The following GAS7 variants were observed in gnomAD, a reference collection of about 807,000 sequenced individuals.
GAS7 encodes growth arrest specific 7.
Under a neutral mutation model 71.1 loss-of-function variants are expected in GAS7, and 28 were observed. The ratio of observed to expected loss-of-function variants is 0.39; its 90% CI spans 0.29 to 0.54. The LOEUF (loss-of-function observed/expected upper bound fraction) is 0.54. GAS7 is among the 20% of genes least tolerant of loss of function. The pLI is 0.62. For missense variants in GAS7, 436 were observed against 627.8 expected, an observed-to-expected ratio of 0.69 and a Z score of 3.27; for synonymous variants, 258 against 245.8, an observed-to-expected ratio of 1.05 and a Z score of -0.46.
chr17:10,005,210 TGTGCGC>T (rs1567880430), intron 2 of GAS7, among the ~76,000 whole-genome samples: 181 of 146,686 alleles, frequency 1.2e-3, no homozygotes, highest in African/African-American at 4.6e-3. Context: ...TGTGTGTGCA[TGTGCGC>T]GTGTGCATGT....
intron 3 of GAS7, among the ~76,000 whole-genome samples, chr17:9,979,952 G>A (rs902896244): frequency 1.8e-4 from 28 of 151,888 alleles, no homozygotes; most frequent in African/African-American, 4.8e-4. Flanking sequence ...CAGTACGAAC[G>A]GGCCCATTTC....
intron 9 of GAS7, among the ~76,000 whole-genome samples, chr17:9,933,963 G>T (rs567717879): frequency 1.4e-4 from 21 of 152,304 alleles, no homozygotes; most frequent in African/African-American, 4.6e-4. Context: ...TTGTGCTACT[G>T]TGTCTATACA....
intron 1 of GAS7, among the ~76,000 whole-genome samples, chr17:10,098,345 C>T (rs553067599): frequency 1.3e-5 from 2 of 152,364 alleles, no homozygotes; most frequent in Non-Finnish European, 2.9e-5. Context: ...CCACTCACCC[C>T]ATGCAGCCAG....
chr17:10,193,801 T>G (rs1403254615), intron 1 of GAS7, among the ~76,000 whole-genome samples: 2 of 152,146 alleles, frequency 1.3e-5, no homozygotes, highest in Non-Finnish European at 2.9e-5. Context: ...ACCATCTGAT[T>G]GCAACTGCAT....
At chr17:10,077,393 T>C (rs1216098385) in intron 1 of GAS7, among the ~76,000 whole-genome samples, 1 of 152,036 alleles carries the variant, frequency 6.6e-6, no homozygotes, top group Non-Finnish European at 1.5e-5. Flanking sequence ...TTTTGGACAA[T>C]GGAAAACAAA....
At chr17:9,994,553 C>T (rs1398803021) in intron 2 of GAS7, among the ~76,000 whole-genome samples, 4 of 147,606 alleles carry the variant, frequency 2.7e-5, no homozygotes, top group Non-Finnish European at 6.0e-5. Flanking sequence ...AAGACTTAAA[C>T]GTTAGACCTA....
At chr17:10,014,851 T>C (rs954152993) in intron 2 of GAS7, among the ~76,000 whole-genome samples, 1 of 152,116 alleles carries the variant, frequency 6.6e-6, no homozygotes, top group Admixed American at 6.6e-5. Flanking sequence ...CCTAAATGGA[T>C]GTGAAAATAA....
chr17:9,997,016 T>C (rs1020089846), intron 2 of GAS7, among the ~76,000 whole-genome samples: 4 of 151,844 alleles, frequency 2.6e-5, no homozygotes, highest in African/African-American at 9.7e-5. Flanking sequence ...CAAAACTTGG[T>C]GTAGGAACAG....
chr17:9,929,910 C>T (rs1290751090), intron 9 of GAS7, among the ~76,000 whole-genome samples: 1 of 152,184 alleles, frequency 6.6e-6, no homozygotes, highest in Admixed American at 6.5e-5. Context: ...AGTGTCCTCA[C>T]AGACTCAGGC....
chr17:9,934,326 CG>C (rs1391921988), intron 8 of GAS7, 82 bp from the exon 9 acceptor site: 1 of 920,978 alleles, frequency 1.1e-6, no homozygotes, highest in East Asian at 2.6e-5. Flanking sequence ...CCCCAGGTCT[CG>C]GGGAGGTATA....
At chr17:10,143,642 G>A (rs2074100597) in intron 1 of GAS7, among the ~76,000 whole-genome samples, 1 of 152,218 alleles carries the variant, frequency 6.6e-6, no homozygotes, top group South Asian at 2.1e-4. Flanking sequence ...ATAAGAAGAG[G>A]AAATTAGGAT....
intron 1 of GAS7, among the ~76,000 whole-genome samples, chr17:10,176,294 G>T (rs890498280): frequency 1.3e-5 from 2 of 152,244 alleles, no homozygotes; most frequent in African/African-American, 4.8e-5. Context: ...CCACAGCAGA[G>T]AGGTGAGGGG....
At chr17:10,126,186 C>A (rs1567602126) in intron 1 of GAS7, among the ~76,000 whole-genome samples, 1 of 152,226 alleles carries the variant, frequency 6.6e-6, no homozygotes, top group African/African-American at 2.4e-5. Context: ...GGGGGAGTCG[C>A]TTCTCAGACA....
chr17:10,115,234 A>G (rs1597800643), intron 1 of GAS7, among the ~76,000 whole-genome samples: 1 of 152,362 alleles, frequency 6.6e-6, no homozygotes, highest in South Asian at 2.1e-4. Context: ...GGGCTGTTGC[A>G]CAAGAGCTGA....
chr17:10,042,691 G>A (rs1218643684), intron 1 of GAS7, among the ~76,000 whole-genome samples: 2 of 152,188 alleles, frequency 1.3e-5, no homozygotes, highest in African/African-American at 4.8e-5. Flanking sequence ...AGAGGAGGGC[G>A]AGGTCACTCT....
intron 7 of GAS7, among the ~76,000 whole-genome samples, chr17:9,941,592 T>G (rs189110560): frequency 6.6e-6 from 1 of 152,310 alleles, no homozygotes; most frequent in Admixed American, 6.5e-5. Context: ...GTGGATGGTG[T>G]ATGCGTTTTC....
intron 1 of GAS7, among the ~76,000 whole-genome samples, chr17:10,158,378 G>T (rs1301757301): frequency 6.6e-6 from 1 of 151,166 alleles, no homozygotes; most frequent in Non-Finnish European, 1.5e-5. Context: ...AGGTGCAGGG[G>T]GCTCGCATCT....
intron 1 of GAS7, among the ~76,000 whole-genome samples, chr17:10,071,293 A>G (rs1333731301): frequency 6.6e-6 from 1 of 152,190 alleles, no homozygotes; most frequent in Non-Finnish European, 1.5e-5. Context: ...AACCAAAAAT[A>G]TCACATACTA....
rs770556260 is a variant in GAS7, at chr17:10,103,165, C to T, written c.184-83268G>A. Among the ~76,000 whole-genome samples the T allele has an allele frequency of 2.0e-5, 3 of 151,192 alleles. No individual in the cohort carries two copies. The highest frequency in any genetic ancestry group is 1.3e-4 in the Admixed American group (2 of 15,138). The stretch of plus-strand genomic sequence containing the variant: ...CCCAGGAGTTTGAGACCAGCCTGGG[C>T]AATATGGCAAAACCCCTCCTCTAAA... On this transcript the variant is annotated intron_variant, in intron 1 of 13. Coordinates refer to ENST00000432992, the MANE Select transcript of GAS7 (RefSeq NM_201433.2). This position sits in a 1 kb window ranked among gnomAD's most constrained non-coding sequence, Gnocchi z 5.5.
Sources: allele counts gnomAD v4.1 joint callset (sites outside exome capture counted in the v4.1 genomes callset), GRCh38; gene constraint gnomAD v4.1.1; non-coding constraint Gnocchi (gnomAD v3.1); transcripts MANE v1.5; gene names NCBI Gene and HGNC (gene_info 2026-07-23, HGNC 2026-07-21).